TTC23: variants seen among roughly 807,000 people sequenced by gnomAD.
TTC23 encodes tetratricopeptide repeat protein 23.
A neutral mutation model predicts 55.1 loss-of-function variants in TTC23; 58 were observed. The ratio of observed to expected loss-of-function variants is 1.05; its 90% CI spans 0.85 to 1.31. TTC23 has a LOEUF of 1.31. TTC23 is among the 50% of genes most tolerant of loss of function. TTC23 has a pLI of 0.00. For synonymous variants in TTC23, 203 were observed against 199.9 expected (o/e 1.02, Z -0.13); for missense variants, 516 against 534.4 (o/e 0.97, Z 0.34).
At chr15:99,139,953 A>G in intron 12 of TTC23, 1 of 297,004 alleles carries the variant, frequency 3.4e-6, no homozygotes, top group Non-Finnish European at 6.5e-6. Context: ...TGCTTGTAGT[A>G]GGCTAGGGCA....
At chr15:99,210,539 T>C (rs2076962531) in intron 8 of TTC23, among the ~76,000 whole-genome samples, 1 of 152,182 alleles carries the variant, frequency 6.6e-6, no homozygotes, top group South Asian at 2.1e-4. Flanking sequence ...ACATGTCTGC[T>C]GGAGAAGAGC....
At chr15:99,186,836 G>A (rs1252060176) in intron 9 of TTC23, among the ~76,000 whole-genome samples, 1 of 152,100 alleles carries the variant, frequency 6.6e-6, no homozygotes, top group Non-Finnish European at 1.5e-5. Context: ...CATGTTCAGT[G>A]ATTGAAAGGC....
chr15:99,190,181 A>AAAG (rs143758855), intron 9 of TTC23, among the ~76,000 whole-genome samples: 2 of 148,502 alleles, frequency 1.3e-5, no homozygotes, highest in Admixed American at 6.7e-5. Context: ...CCTGTCTAAA[A>AAAG]AAAGAAAGAA....
chr15:99,223,732 G>C (rs1281576150), intron 5 of TTC23, among the ~76,000 whole-genome samples: 1 of 152,182 alleles, frequency 6.6e-6, no homozygotes, highest in Non-Finnish European at 1.5e-5. Context: ...AGATTCTCCA[G>C]ACCCTTCAAG....
At chr15:99,165,555 G>A (rs575541361) in intron 10 of TTC23, among the ~76,000 whole-genome samples, 1 of 152,292 alleles carries the variant, frequency 6.6e-6, no homozygotes, top group East Asian at 1.9e-4. Context: ...GTGCCAGCTG[G>A]CCCTGGGGTC....
chr15:99,206,762 T>C (rs1169830063), intron 8 of TTC23, among the ~76,000 whole-genome samples: 1 of 152,176 alleles, frequency 6.6e-6, no homozygotes, highest in Non-Finnish European at 1.5e-5. Context: ...AAACAAACTT[T>C]TTGTTATATT....
chr15:99,138,164 C>G lies in TTC23; in HGVS notation c.1227-37G>C, dbSNP rs147534055. 3.2e-5 allele frequency: 51 copies of G among 1,607,348 alleles called. No individual in the cohort carries two copies. In the African/African-American group the frequency reaches 6.3e-4, roughly 20 times the overall value. ...CAGAGGGTGGGGTGAGTGTGGTGCC[C>G]CTCAGCCCCCCACACCGTTCCCATC... On this transcript the variant is annotated intron_variant, in intron 13 of 13. Coordinates refer to ENST00000394132, the MANE Select transcript of TTC23 (RefSeq NM_001288615.3).
intron 12 of TTC23, among the ~76,000 whole-genome samples, chr15:99,151,930 C>A (rs967785452): frequency 6.6e-6 from 1 of 152,186 alleles, no homozygotes; most frequent in Non-Finnish European, 1.5e-5. Flanking sequence ...TCTCTCTCAG[C>A]CTCAGTTTCC....
chr15:99,204,585 T>C (rs147923691), intron 8 of TTC23, among the ~76,000 whole-genome samples: 3 of 151,116 alleles, frequency 2.0e-5, no homozygotes, highest in Admixed American at 2.0e-4. Flanking sequence ...GAGTGTTTTC[T>C]CAATATTTTC....
intron 6 of TTC23, among the ~76,000 whole-genome samples, chr15:99,219,626 G>A (rs2602036): frequency 0.81 from 122,785 of 152,022 alleles, 49,853 homozygotes; most frequent in African/African-American, 0.89. Context: ...ATGAAACAAA[G>A]TGGAGCAAAA....
chr15:99,245,722 C>A (rs1355705387), intron 1 of TTC23, among the ~76,000 whole-genome samples: 1 of 151,496 alleles, frequency 6.6e-6, no homozygotes, highest in Non-Finnish European at 1.5e-5. Context: ...CTACACCTCA[C>A]ACCATATACA....
At chr15:99,138,956 C>T (rs1187509241) in intron 13 of TTC23, among the ~76,000 whole-genome samples, 2 of 152,164 alleles carry the variant, frequency 1.3e-5, no homozygotes, top group Non-Finnish European at 2.9e-5. Flanking sequence ...GTGAACCTTC[C>T]GGCTCCAGTC....
intron 10 of TTC23, among the ~76,000 whole-genome samples, chr15:99,169,777 G>C (rs1180715768): frequency 6.6e-6 from 1 of 152,178 alleles, no homozygotes; most frequent in Non-Finnish European, 1.5e-5. Context: ...AGTGGGGGCG[G>C]GGGAGATATA....
rs2077695795 is a variant in TTC23, at chr15:99,219,020, T to G, written c.333A>C (p.Ala111=). Residue 111 remains alanine (A), a synonymous_variant, in exon 7 of 14, where the codon GCA becomes GCC. Coordinates refer to ENST00000394132, the MANE Select transcript of TTC23 (RefSeq NM_001288615.3). ...TGGCGAGGATTTGTCTGGCTTTTTCTGCATGTTGTTTTGCTTGCAGTGACA... is the reference window on the plus strand; with the variant it reads ...TGGCGAGGATTTGTCTGGCTTTTTCGGCATGTTGTTTTGCTTGCAGTGACA... The part of the protein sequence containing the change: ...KGLSLQAKQH[A]EKARQILANS... 4.3e-6 allele frequency: 7 copies of G among 1,614,180 alleles called. No individual in the cohort carries two copies. The East Asian group carries it at 1.6e-4, about 36-fold the overall frequency.
chr15:99,203,696 T>G (rs2076378241), intron 8 of TTC23, among the ~76,000 whole-genome samples: 1 of 151,946 alleles, frequency 6.6e-6, no homozygotes, highest in South Asian at 2.1e-4. Flanking sequence ...TTTTTCTTTT[T>G]TTTCTTTCTT....
At chr15:99,155,128 C>A (rs551393120) in intron 12 of TTC23, among the ~76,000 whole-genome samples, 1 of 152,118 alleles carries the variant, frequency 6.6e-6, no homozygotes, top group East Asian at 1.9e-4. Flanking sequence ...AAAATTTACA[C>A]AGAGAAACCA....
intron 8 of TTC23, among the ~76,000 whole-genome samples, chr15:99,207,494 C>G (rs1466904667): frequency 6.6e-6 from 1 of 152,172 alleles, no homozygotes; most frequent in Non-Finnish European, 1.5e-5. Context: ...TGCGGTAGCT[C>G]ATGCCTGTAA....
chr15:99,162,073 A>C (rs951625819), intron 10 of TTC23, among the ~76,000 whole-genome samples: 3 of 152,216 alleles, frequency 2.0e-5, no homozygotes, highest in Admixed American at 1.3e-4. Context: ...TACTTTCTTT[A>C]ATTTTCATAC....
chr15:99,239,075 G>A (rs1383920026), intron 3 of TTC23, among the ~76,000 whole-genome samples: 1 of 152,176 alleles, frequency 6.6e-6, no homozygotes, highest in East Asian at 1.9e-4. Context: ...AGCTTATATA[G>A]CACAAAAATA....
Sources: gnomAD v4.1 joint callset for allele counts (sites outside exome capture counted in the v4.1 genomes callset) on GRCh38, gnomAD v4.1.1 for gene constraint, MANE v1.5 for transcripts, NCBI Gene and HGNC (gene_info 2026-07-23, HGNC 2026-07-21) for gene names.